The following PTDSS1 variants were observed in gnomAD, a reference collection of about 807,000 sequenced individuals.
PTDSS1 encodes PSS-1.
PTDSS1 carries 45 observed loss-of-function variants against 70.5 expected under a neutral mutation model. That is an observed-to-expected ratio of 0.64 (90% CI 0.50 to 0.82). The LOEUF (loss-of-function observed/expected upper bound fraction) is 0.82, where lower values mean the gene tolerates loss of function less well. Ranked by LOEUF, PTDSS1 falls within the 40% of genes least tolerant of loss-of-function variation. The pLI is 0.00. For missense variants in PTDSS1, 417 were observed against 586.1 expected, an observed-to-expected ratio of 0.71 and a Z score of 2.98; for synonymous variants, 188 against 203.8, an observed-to-expected ratio of 0.92 and a Z score of 0.66.
At chr8:96,326,703 A>G (rs17781044) in intron 10 of PTDSS1, among the ~76,000 whole-genome samples, 70,709 of 151,896 alleles carry the variant, frequency 0.47, 17,110 homozygotes, top group African/African-American at 0.51. Flanking sequence ...AGCCCCAGCA[A>G]TTTTCAAGCG....
rs201970520 is a variant in PTDSS1 at position 96,287,162 on chromosome 8, T to C, written c.441+16T>C. The C allele has an allele frequency of 3.0e-5, 48 of 1,613,296 alleles. 1 individual carries two copies. The Admixed American group carries it at 4.8e-4, about 16-fold the overall frequency. Reference sequence around the variant, plus strand: ...AGATGTCATGGTATGTACTTGTCAGTGGCCTCTTGGAGAAACTCGTAGACT... The same window carrying C: ...AGATGTCATGGTATGTACTTGTCAGCGGCCTCTTGGAGAAACTCGTAGACT... On this transcript the variant is annotated intron_variant, in intron 4 of 12. Transcript: ENST00000517309.
chr8:96,326,014 C>T (rs1028150301), intron 10 of PTDSS1, among the ~76,000 whole-genome samples: 1 of 152,142 alleles, frequency 6.6e-6, no homozygotes, highest in Admixed American at 6.5e-5. Context: ...CACCACGAAA[C>T]CTCCCAGATG....
At chr8:96,304,357 G>A (rs1811094872) in intron 7 of PTDSS1, among the ~76,000 whole-genome samples, 176 bp downstream of exon 7, 1 of 152,176 alleles carries the variant, frequency 6.6e-6, no homozygotes. Flanking sequence ...TATGCCTAAG[G>A]TCTTGCCTCA....
intron 10 of PTDSS1, among the ~76,000 whole-genome samples, chr8:96,321,661 G>A (rs1811374219): frequency 2.0e-5 from 3 of 151,960 alleles, no homozygotes; most frequent in Admixed American, 2.0e-4. Flanking sequence ...AATCACATTT[G>A]GGTCTAGTTT....
chr8:96,292,716 C>T (rs1810924735), intron 4 of PTDSS1, among the ~76,000 whole-genome samples: 1 of 152,218 alleles, frequency 6.6e-6, no homozygotes, highest in Non-Finnish European at 1.5e-5. Flanking sequence ...AGTTCAAAAT[C>T]TCAGCTGATT....
chr8:96,313,264 G>A (rs560632291), intron 9 of PTDSS1, among the ~76,000 whole-genome samples: 10 of 152,282 alleles, frequency 6.6e-5, no homozygotes, highest in Non-Finnish European at 8.8e-5. Flanking sequence ...CCTTTTATAC[G>A]AAAGGTGTTG....
chr8:96,309,543 CTTTG>C lies in PTDSS1; in HGVS notation c.1008-11_1008-8del, dbSNP rs1239632285. ...TCCAGCAGCTCTCAATGAATTCCAACTTTGTTCTTTCAGACAGTACTACGCTTAC... is the reference window on the plus strand; with the variant it reads ...TCCAGCAGCTCTCAATGAATTCCAACTTCTTTCAGACAGTACTACGCTTAC... On this transcript the variant is annotated splice_polypyrimidine_tract_variant and intron_variant, in intron 8 of 12. Transcript: ENST00000517309. 6.2e-7 allele frequency: 1 copy of C among 1,611,654 alleles called. No individual in the cohort carries two copies. Among genetic ancestry groups the C allele is most frequent in the Non-Finnish European group, 8.5e-7 (1 of 1,178,116 alleles).
At chr8:96,332,490 C>T (rs547353699) in intron 12 of PTDSS1, among the ~76,000 whole-genome samples, 2 of 152,262 alleles carry the variant, frequency 1.3e-5, no homozygotes, top group East Asian at 3.9e-4. Flanking sequence ...GCTGGCCGCC[C>T]TTTTGGGGAA....
chr8:96,325,846 G>C (rs1811431288), intron 10 of PTDSS1, among the ~76,000 whole-genome samples: 1 of 152,176 alleles, frequency 6.6e-6, no homozygotes, highest in Non-Finnish European at 1.5e-5. Flanking sequence ...GATCAGAGTA[G>C]CATCTTCATT....
intron 9 of PTDSS1, among the ~76,000 whole-genome samples, chr8:96,317,729 G>A (rs114555386): frequency 0.014 from 2,126 of 149,232 alleles, 40 homozygotes; most frequent in African/African-American, 0.048. Flanking sequence ...AGTCAGGGCC[G>A]GTCTCAAAAA....
intron 2 of PTDSS1, among the ~76,000 whole-genome samples, chr8:96,281,737 G>A (rs1398701563): frequency 6.6e-6 from 1 of 152,124 alleles, no homozygotes; most frequent in Non-Finnish European, 1.5e-5. Flanking sequence ...ACCCAGTTCT[G>A]TGAAAGTTCA....
intron 11 of PTDSS1, 174 bp downstream of exon 11, chr8:96,330,455 C>T: frequency 1.6e-6 from 1 of 633,176 alleles, no homozygotes; most frequent in Non-Finnish European, 2.8e-6. Context: ...CCATTGCTGG[C>T]CCTGCTTGTG....
intron 4 of PTDSS1, among the ~76,000 whole-genome samples, chr8:96,291,478 C>T (rs954532848): frequency 1.3e-5 from 2 of 149,822 alleles, no homozygotes; most frequent in African/African-American, 4.9e-5. Context: ...TTGGCATAAC[C>T]ACTGAACAGT....
At chr8:96,303,689 CTG>C (rs1157115797) in intron 6 of PTDSS1, among the ~76,000 whole-genome samples, 1 of 152,140 alleles carries the variant, frequency 6.6e-6, no homozygotes, top group Non-Finnish European at 1.5e-5. Flanking sequence ...TTAAATATCA[CTG>C]TTCATCAACC....
intron 10 of PTDSS1, among the ~76,000 whole-genome samples, chr8:96,327,722 A>C (rs928838786): frequency 1.3e-5 from 2 of 152,236 alleles, no homozygotes; most frequent in Non-Finnish European, 2.9e-5. Context: ...GGCCGTCATT[A>C]ATTTGAATGC....
intron 7 of PTDSS1, among the ~76,000 whole-genome samples, chr8:96,306,036 G>A (rs185931480): frequency 6.3e-4 from 96 of 152,298 alleles, no homozygotes; most frequent in African/African-American, 2.3e-3. Context: ...AATTCTGTTA[G>A]ACCTGGCCTG....
chr8:96,266,325 C>T (rs1450865134), intron 1 of PTDSS1, among the ~76,000 whole-genome samples: 1 of 152,194 alleles, frequency 6.6e-6, no homozygotes, highest in Non-Finnish European at 1.5e-5. Flanking sequence ...CTTCATTTCT[C>T]CTCGATTTAG....
intron 10 of PTDSS1, among the ~76,000 whole-genome samples, chr8:96,329,947 A>G (rs1811490137): frequency 6.6e-6 from 1 of 152,178 alleles, no homozygotes. Flanking sequence ...GCATCCCACC[A>G]TATTGCACAT....
At chr8:96,310,517 A>G (rs1368957177) in intron 9 of PTDSS1, among the ~76,000 whole-genome samples, 1 of 151,480 alleles carries the variant, frequency 6.6e-6, no homozygotes, top group East Asian at 2.0e-4. Context: ...TATTTCCCAC[A>G]AACAACTCTG....
Sources: allele counts gnomAD v4.1 joint callset (sites outside exome capture counted in the v4.1 genomes callset), GRCh38; gene constraint gnomAD v4.1.1; transcripts MANE v1.5; gene names NCBI Gene and HGNC (gene_info 2026-07-23, HGNC 2026-07-21).